MACROD2: variants seen among roughly 807,000 people sequenced by gnomAD.
The protein encoded by MACROD2 is ADP-ribose glycohydrolase MACROD2.
Under a neutral mutation model 70.4 loss-of-function variants are expected in MACROD2, and 36 were observed. That is an observed-to-expected ratio of 0.51 (90% CI 0.39 to 0.68). The LOEUF is 0.68. MACROD2 is among the 30% of genes least tolerant of loss of function. The pLI, the probability that MACROD2 is intolerant of heterozygous loss-of-function variation, is 0.00. For synonymous variants in MACROD2, 172 were observed against 178.8 expected (o/e 0.96, Z 0.30); for missense variants, 496 against 538.4 (o/e 0.92, Z 0.78).
rs376008913 is a variant in MACROD2, at chr20:14,120,683, T to TTA, written c.271+34970_271+34971dup. Among the ~76,000 whole-genome samples the TTA allele has an allele frequency of 3.9e-3, 571 of 147,676 alleles. 2 individuals carry two copies. The highest frequency in any genetic ancestry group is 5.4e-3 in the African/African-American group (220 of 40,426). ...GTGATATATATATATATCACATGTA[T>TTA]TATATATATATATATAATGGAATAC... On this transcript the variant is annotated intron_variant, in intron 3 of 17. Coordinates refer to ENST00000684519, the MANE Select transcript of MACROD2 (RefSeq NM_001351661.2).
At chr20:15,718,222 C>G (rs912652152) in intron 8 of MACROD2, among the ~76,000 whole-genome samples, 20 of 151,988 alleles carry the variant, frequency 1.3e-4, no homozygotes, top group Non-Finnish European at 2.1e-4. Context: ...CTCTTGGACT[C>G]AGGTGATCCA....
chr20:15,564,222 C>T (rs2048281780), intron 8 of MACROD2, among the ~76,000 whole-genome samples: 1 of 152,208 alleles, frequency 6.6e-6, no homozygotes, highest in Non-Finnish European at 1.5e-5. Flanking sequence ...ACCAGCCTGA[C>T]TTTCAGACAG....
intron 6 of MACROD2, among the ~76,000 whole-genome samples, chr20:15,276,619 C>T (rs73262775): frequency 0.013 from 1,935 of 152,204 alleles, 14 homozygotes; most frequent in African/African-American, 0.027. Context: ...CTCTCAACTT[C>T]GCAGTTTCAC....
chr20:15,146,557 C>T (rs2076231678), intron 5 of MACROD2, among the ~76,000 whole-genome samples: 1 of 152,156 alleles, frequency 6.6e-6, no homozygotes, highest in Admixed American at 6.5e-5. Context: ...CGTAGTAGAG[C>T]AAGATCTCCT....
chr20:16,035,097 TA>T (rs1201565196), intron 15 of MACROD2, among the ~76,000 whole-genome samples: 42,902 of 116,102 alleles, frequency 0.37, 9,336 homozygotes, highest in East Asian at 0.56. Context: ...TATAAAATAT[TA>T]TATATTATAT....
intron 8 of MACROD2, among the ~76,000 whole-genome samples, chr20:15,640,437 G>T (rs1353699385): frequency 6.6e-6 from 1 of 152,122 alleles, no homozygotes; most frequent in Admixed American, 6.5e-5. Flanking sequence ...TGCTTGGGTG[G>T]CCTCTCTGCT....
At chr20:15,582,568 C>G (rs73260629) in intron 8 of MACROD2, among the ~76,000 whole-genome samples, 3 of 152,202 alleles carry the variant, frequency 2.0e-5, no homozygotes, top group African/African-American at 7.2e-5. Flanking sequence ...CAATTAGTCA[C>G]GTGGTGGAAA....
chr20:14,730,979 G>GCACACACA lies in MACROD2; in HGVS notation c.418+46043_418+46050dup, dbSNP rs11474396. On this transcript the variant is annotated intron_variant, in intron 5 of 17. Coordinates refer to ENST00000684519, the MANE Select transcript of MACROD2 (RefSeq NM_001351661.2). ...GCTGTGTATTGCCCAAACAGGTTTA[G>GCACACACA]CACACACACACACACACACACACAC... Among the ~76,000 whole-genome samples the GCACACACA allele has an allele frequency of 5.2e-3, 719 of 138,924 alleles. 5 individuals carry two copies. Among genetic ancestry groups the GCACACACA allele is most frequent in the African/African-American group, 0.016 (621 of 38,918 alleles). 91.1% of individuals were successfully genotyped at this position (138,924 alleles called of 152,430 possible).
intron 8 of MACROD2, among the ~76,000 whole-genome samples, chr20:15,791,702 C>T (rs940990059): frequency 3.3e-5 from 5 of 151,792 alleles, no homozygotes; most frequent in African/African-American, 4.8e-5. Flanking sequence ...AAGTAAAATG[C>T]CTGGTATTAA....
chr20:14,040,267 G>A (rs2053374038), intron 2 of MACROD2, among the ~76,000 whole-genome samples: 1 of 152,064 alleles, frequency 6.6e-6, no homozygotes, highest in Non-Finnish European at 1.5e-5. Context: ...CCCAGGCTAC[G>A]AAAGTATACA....
intron 2 of MACROD2, among the ~76,000 whole-genome samples, chr20:14,060,641 A>G (rs992860749): frequency 6.6e-6 from 1 of 152,168 alleles, no homozygotes; most frequent in African/African-American, 2.4e-5. Context: ...GTGCTCAGAA[A>G]GAGAATCTGA....
chr20:15,930,244 GA>G (rs1237725691), intron 10 of MACROD2, among the ~76,000 whole-genome samples: 1 of 152,154 alleles, frequency 6.6e-6, no homozygotes, highest in African/African-American at 2.4e-5. Flanking sequence ...AGACAAGGCT[GA>G]TAAAAAAGAA....
chr20:15,777,032 G>A (rs995410), intron 8 of MACROD2, among the ~76,000 whole-genome samples: 14,134 of 152,026 alleles, frequency 0.093, 1,412 homozygotes, highest in East Asian at 0.32. Context: ...GTTGAAATTC[G>A]GCTCATTGTG....
chr20:15,457,624 G>A (rs962078450), intron 7 of MACROD2, among the ~76,000 whole-genome samples: 4 of 152,098 alleles, frequency 2.6e-5, no homozygotes, highest in East Asian at 1.9e-4. Context: ...TTTTCATGTC[G>A]TTGGCAGAAT....
At chr20:14,512,825 G>A (rs1055293748) in intron 4 of MACROD2, among the ~76,000 whole-genome samples, 3 of 152,078 alleles carry the variant, frequency 2.0e-5, no homozygotes, top group African/African-American at 4.8e-5. Context: ...TCATGTTTAC[G>A]ATTTTTTTCT....
chr20:14,359,200 A>ACAAG (rs1225464391), intron 3 of MACROD2, among the ~76,000 whole-genome samples: 1 of 151,858 alleles, frequency 6.6e-6, no homozygotes, highest in African/African-American at 2.4e-5. Context: ...AAACAAACAA[A>ACAAG]CAAACAAACA....
intron 5 of MACROD2, among the ~76,000 whole-genome samples, chr20:15,212,479 G>T (rs911779097): frequency 1.3e-5 from 2 of 152,154 alleles, no homozygotes; most frequent in Non-Finnish European, 2.9e-5. Context: ...GTAGAGAGTA[G>T]ACAAGTTTTA....
intron 4 of MACROD2, among the ~76,000 whole-genome samples, chr20:14,638,164 T>C (rs1239135442): frequency 1.3e-5 from 2 of 152,194 alleles, no homozygotes; most frequent in African/African-American, 4.8e-5. Flanking sequence ...TATTGTTATA[T>C]TTTAAGTTGA....
At chr20:14,151,744 A>G (rs2055023969) in intron 3 of MACROD2, among the ~76,000 whole-genome samples, 1 of 147,916 alleles carries the variant, frequency 6.8e-6, no homozygotes, top group Non-Finnish European at 1.5e-5. Flanking sequence ...AAAATTAACT[A>G]TTTTGAATAA....
Sources: allele counts gnomAD v4.1 joint callset (sites outside exome capture counted in the v4.1 genomes callset), GRCh38; gene constraint gnomAD v4.1.1; transcripts MANE v1.5; gene names NCBI Gene and HGNC (gene_info 2026-07-23, HGNC 2026-07-21).